Variants in RNF207 observed in about 807,000 individuals in gnomAD.
The protein encoded by RNF207 is ring finger protein 207.
Under a neutral mutation model 79.0 loss-of-function variants are expected in RNF207, and 72 were observed. The ratio of observed to expected loss-of-function variants is 0.91; its 90% CI spans 0.75 to 1.11. The LOEUF (loss-of-function observed/expected upper bound fraction) is 1.11. Ranked by LOEUF, RNF207 falls within the 50% of genes least tolerant of loss-of-function variation. The pLI is 0.00. For missense variants in RNF207, 936 were observed against 855.8 expected (o/e 1.09, Z -1.17); for synonymous variants, 348 against 366.2 (o/e 0.95, Z 0.57).
chr1:6,219,387 TGGAG>T lies in RNF207; in HGVS notation c.1889_1892del (p.Arg630AsnfsTer16), dbSNP rs764992467. The T allele has an allele frequency of 3.3e-5, 53 of 1,608,098 alleles. No homozygotes were observed. The African/African-American group carries it at 5.8e-4, about 17-fold the overall frequency. On this transcript the variant is annotated frameshift_variant, in exon 18 of 18. Coordinates refer to ENST00000377939, the MANE Select transcript of RNF207 (RefSeq NM_207396.3). LOFTEE classifies it high-confidence loss of function. ...GAAAAATGGGGGCGATGTCCCCACA[TGGAG>T]GGAACACCCGACTTAGCAAATGGGA...
At chr1:6,214,496 G>A (rs1451754219) in intron 16 of RNF207, among the ~76,000 whole-genome samples, 1 of 151,874 alleles carries the variant, frequency 6.6e-6, no homozygotes, top group African/African-American at 2.4e-5. Context: ...TCCGCCTCCT[G>A]GGTTCAACTG....
At position 6,212,331 on chromosome 1, in the gene RNF207, A is replaced by T. The variant is rs527406949; in HGVS notation, c.1397A>T (p.Asp466Val). The T allele has an allele frequency of 4.3e-6, 7 of 1,613,650 alleles. No homozygotes were observed. In the African/African-American group the frequency reaches 5.3e-5, roughly 12 times the overall value. Residue 466 changes from aspartate to valine, a missense_variant, in exon 14 of 18, where the codon GAC becomes GTC. Asp to Val is a radical substitution (Grantham distance 152, BLOSUM62 -3). Transcript: ENST00000377939. ...CTCATCAAGGCGGAGATCATGGGAG[A>T]CGTCCTGCACAAGTCCCTGCAACTG... is the stretch of plus-strand genomic sequence containing the variant. Reference protein sequence around the residue: ...HSLIKAEIMGDVLHKSLQLDV... With the variant: ...HSLIKAEIMGVVLHKSLQLDV...
rs374102898 is a variant in RNF207, at chr1:6,214,402, C to CT, written c.1652+1231dup. 1.6e-3 allele frequency among the ~76,000 whole-genome samples: 234 copies of CT among 145,526 alleles called. 2 individuals are homozygous for CT. Among genetic ancestry groups the CT allele is most frequent in the South Asian group, 1.5e-3 (7 of 4,558 alleles). ...CATGGTCTTCAGTTTTGGCATATTT[C>CT]TTTTTTTTTTTTCTTTTTGAGATGG... is the stretch of plus-strand genomic sequence containing the variant. On this transcript the variant is annotated intron_variant, in intron 16 of 17. Transcript: ENST00000377939.
In RNF207 at chr1:6,210,872, G is replaced by A. The variant is rs777833993; in HGVS notation, c.945G>A (p.Glu315=). The change falls in exon 11 of 18, where the codon GAG becomes GAA. Residue 315 remains glutamate, a splice_region_variant and synonymous_variant. Transcript: ENST00000377939. ...TGAGGCCCTCCTCACTGCCACAGGA[G>A]CTGATGGAGAGGCTGCAGGGCATCG... ...NKAEFLDLGY[E]LMERLQGIVT... 1.3e-6 allele frequency: 2 copies of A among 1,598,842 alleles called. No homozygotes were observed. The highest frequency in any genetic ancestry group is 1.1e-5 in the South Asian group (1 of 87,830).
At position 6,207,399 on chromosome 1, in the gene RNF207, G is replaced by A; in HGVS notation, c.212G>A (p.Gly71Asp). The A allele has an allele frequency of 3.2e-6, 5 of 1,544,976 alleles. No homozygotes were observed. Among genetic ancestry groups the A allele is most frequent in the African/African-American group, 1.4e-5 (1 of 73,452 alleles). The change falls in exon 3 of 18, where the codon GGT becomes GAT. Residue 71 changes from glycine to aspartate, a missense_variant. Gly to Asp is a moderately conservative substitution (Grantham distance 94, BLOSUM62 -1). Coordinates refer to ENST00000377939, the MANE Select transcript of RNF207 (RefSeq NM_207396.3). The surrounding 1 kb of genome is among the most constrained non-coding windows in gnomAD (Gnocchi z 4.5). ...PLCQHQTVLK[G>D]PSGLPPVDRL... is the part of the protein sequence containing the mutation. Reference sequence around the variant, plus strand: ...TGCAGACACCAGACGGTGCTGAAGGGTCCCAGCGGGCTCCCGCCGGTGGAC... The same window carrying A: ...TGCAGACACCAGACGGTGCTGAAGGATCCCAGCGGGCTCCCGCCGGTGGAC...
In RNF207 at chr1:6,206,546, C is replaced by G. The variant is rs763869142; in HGVS notation, c.11C>G (p.Ala4Gly). The change falls in exon 2 of 18, where the codon GCT becomes GGT. Residue 4 changes from alanine to glycine, a missense_variant. Transcript: ENST00000377939. The stretch of plus-strand genomic sequence containing the variant: ...GCGCTGTCGCTGCAGATGTCGGGAG[C>G]TATCTTCGGGCCCCTGGAGGGCCCG... MSG[A>G]IFGPLEGPSS... 8 of 1,580,132 alleles carry G rather than the reference C, an allele frequency of 5.1e-6. No individual in the cohort carries two copies. The highest frequency in any genetic ancestry group is 8.5e-7 in the Non-Finnish European group (1 of 1,171,248).
intron 3 of RNF207, among the ~76,000 whole-genome samples, chr1:6,208,465 C>T (rs1213462018): frequency 6.6e-6 from 1 of 152,040 alleles, no homozygotes; most frequent in Non-Finnish European, 1.5e-5. Flanking sequence ...ACTCCAGGCG[C>T]CCGCCACCAT....
At chr1:6,206,462 C>A in intron 1 of RNF207, 74 bp from the exon 2 acceptor site, 1 of 1,207,528 alleles carries the variant, frequency 8.3e-7, no homozygotes, top group Non-Finnish European at 1.1e-6. Context: ...CGCGGGCGCC[C>A]GGGCAGAGGG....
rs748098546 is a variant in RNF207 at position 6,218,369 on chromosome 1, G to A, written c.1733G>A (p.Arg578Lys). ...AGCAGGAACAACGCGGCCTCAGCCA[G>A]GTAAAGCAAGTCTCTCCACTGGAGA... ...DDSRNNAASA[R>K]NNPGSVPEKR... is the part of the protein sequence containing the mutation. The change falls in exon 17 of 18, where the codon AGG (arginine) becomes AAG (lysine). Residue 578 changes from arginine to lysine, a missense_variant and splice_region_variant. Arg to Lys is a conservative substitution (Grantham distance 26). Coordinates refer to ENST00000377939, the MANE Select transcript of RNF207 (RefSeq NM_207396.3). The A allele has an allele frequency of 6.2e-7, 1 of 1,610,156 alleles. No homozygotes were observed. Among genetic ancestry groups the A allele is most frequent in the South Asian group, 1.1e-5 (1 of 90,970 alleles).
intron 16 of RNF207, 90 bp from the exon 17 acceptor site, chr1:6,218,199 G>T: frequency 1.2e-6 from 1 of 825,144 alleles, no homozygotes; most frequent in East Asian, 2.5e-5. Context: ...CATGAGTGGT[G>T]GCAGAGTCTG....
At chr1:6,216,976 C>T (rs541036390) in intron 16 of RNF207, among the ~76,000 whole-genome samples, 28 of 151,432 alleles carry the variant, frequency 1.8e-4, no homozygotes, top group African/African-American at 6.8e-4. Context: ...CTCAATCAAT[C>T]CTCCCACCTC....
At position 6,211,132 on chromosome 1, in the gene RNF207, G is replaced by A. The variant is rs547349989; in HGVS notation, c.1109+14G>A. On this transcript the variant is annotated intron_variant, in intron 12 of 17. Transcript: ENST00000377939. The surrounding 1 kb of genome is among the most constrained non-coding windows in gnomAD (Gnocchi z 4.2). ...TGGTGCTAACACGTGAGCAGCAACC[G>A]GGGAGGCCAGGCACAAGGTCCCCAA... The A allele has an allele frequency of 4.8e-5, 74 of 1,549,370 alleles. No homozygotes were observed. The Middle Eastern group carries it at 1.2e-3, about 25-fold the overall frequency.
At chr1:6,218,925 CAG>C (rs1430715603) in intron 17 of RNF207, among the ~76,000 whole-genome samples, 2 of 152,184 alleles carry the variant, frequency 1.3e-5, no homozygotes, top group Non-Finnish European at 2.9e-5. Context: ...GGTGACAGAG[CAG>C]AGTCTGGCCC....
chr1:6,215,329 CCCT>C (rs1668327025), intron 16 of RNF207, among the ~76,000 whole-genome samples: 1 of 151,006 alleles, frequency 6.6e-6, no homozygotes, highest in South Asian at 2.1e-4. Context: ...CACCCGGCCC[CCCT>C]TTTTTTTTTT....
In RNF207 at chr1:6,207,570, A is replaced by G. The variant is rs368747231; in HGVS notation, c.324+59A>G. 9 of 1,516,990 alleles carry G rather than the reference A, an allele frequency of 5.9e-6. No homozygotes were observed. Among genetic ancestry groups the G allele is most frequent in the Admixed American group, 1.9e-5 (1 of 51,680 alleles). 94.0% of individuals were successfully genotyped at this position (1,516,990 alleles called of 1,614,324 possible). ...AGGGTACCCGGTTGCACAGTCCCCA[A>G]TGCTTGCACATGCACTCAGCATGTC... On this transcript the variant is annotated intron_variant, in intron 3 of 17. Coordinates refer to ENST00000377939, the MANE Select transcript of RNF207 (RefSeq NM_207396.3). The surrounding 1 kb of genome is among the most constrained non-coding windows in gnomAD (Gnocchi z 4.5).
chr1:6,218,241 G>A (rs368573954), intron 16 of RNF207, 48 bp from the exon 17 acceptor site: 16 of 1,350,298 alleles, frequency 1.2e-5, no homozygotes, highest in Non-Finnish European at 1.7e-5. Flanking sequence ...AGGCCGTGCA[G>A]CAGCTGGCTC....
chr1:6,214,884 C>T (rs1273442946), intron 16 of RNF207, among the ~76,000 whole-genome samples: 2 of 151,936 alleles, frequency 1.3e-5, no homozygotes, highest in Non-Finnish European at 2.9e-5. Flanking sequence ...ATCTACCCGC[C>T]TCGCCCTCCC....
At position 6,206,522 on chromosome 1, in the gene RNF207, C is replaced by G; in HGVS notation, c.1-14C>G. 2 of 1,544,580 alleles carry G rather than the reference C, an allele frequency of 1.3e-6. No individual in the cohort carries two copies. Among genetic ancestry groups the G allele is most frequent in the Non-Finnish European group, 1.7e-6 (2 of 1,154,022 alleles). On this transcript the variant is annotated splice_polypyrimidine_tract_variant and intron_variant, in intron 1 of 17. Coordinates refer to ENST00000377939, the MANE Select transcript of RNF207 (RefSeq NM_207396.3). ...CGTGCGTGCCCCAGCCGCCCGCTTG[C>G]GCTGTCGCTGCAGATGTCGGGAGCT...
Position 6,211,926 on chromosome 1 carries a change from G to A in RNF207, c.1169G>A (p.Gly390Glu), listed in dbSNP as rs1268313116. Residue 390 changes from glycine to glutamate, a missense_variant, in exon 13 of 18, where the codon GGA becomes GAA. Physicochemically the swap from Gly to Glu is moderately conservative, Grantham distance 98. Coordinates refer to ENST00000377939, the MANE Select transcript of RNF207 (RefSeq NM_207396.3). This position sits in a 1 kb window ranked among gnomAD's most constrained non-coding sequence, Gnocchi z 4.2. ...GGGCCCCACTGCCCCTCCCCAGTAG[G>A]AAAGATGTCGGGGTCACCCGTCCAA... The part of the protein sequence containing the change: ...LTGPHCPSPV[G>E]KMSGSPVQKP... 6.4e-7 allele frequency: 1 copy of A among 1,552,304 alleles called. No individual in the cohort carries two copies. The highest frequency in any genetic ancestry group is 8.7e-7 in the Non-Finnish European group (1 of 1,148,000).
Sources: gnomAD v4.1 joint callset for allele counts (sites outside exome capture counted in the v4.1 genomes callset) on GRCh38, gnomAD v4.1.1 for gene constraint, Gnocchi (gnomAD v3.1) non-coding constraint, MANE v1.5 for transcripts, NCBI Gene and HGNC (gene_info 2026-07-23, HGNC 2026-07-21) for gene names.